ACOXL: variants seen among roughly 807,000 people sequenced by gnomAD.
ACOXL encodes the protein acyl-CoA oxidase like.
ACOXL carries 70 observed loss-of-function variants against 71.9 expected under a neutral mutation model. The observed-to-expected ratio is 0.97, with a 90% CI of 0.80 to 1.19. The LOEUF (loss-of-function observed/expected upper bound fraction) is 1.19, where lower values mean the gene tolerates loss of function less well. Ranked by LOEUF, ACOXL falls within the 50% of genes most tolerant of loss-of-function variation. The pLI, the probability that ACOXL is intolerant of heterozygous loss-of-function variation, is 0.00. For synonymous variants in ACOXL, 253 were observed against 281.6 expected (o/e 0.90, Z 1.02); for missense variants, 703 against 736.3 (o/e 0.95, Z 0.52).
At chr2:110,944,419 T>G (rs1434114603) in intron 12 of ACOXL, among the ~76,000 whole-genome samples, 1 of 152,074 alleles carries the variant, frequency 6.6e-6, no homozygotes, top group Admixed American at 6.5e-5. Flanking sequence ...TATTTGTGTG[T>G]TATGGGGGTT....
chr2:110,820,524 G>T (rs1247975179), intron 9 of ACOXL, among the ~76,000 whole-genome samples: 1 of 151,918 alleles, frequency 6.6e-6, no homozygotes, highest in Non-Finnish European at 1.5e-5. Context: ...TCTGAGGAAT[G>T]CAGAGATAGG....
chr2:110,801,130 G>A (rs759615881), intron 7 of ACOXL, among the ~76,000 whole-genome samples: 2 of 152,140 alleles, frequency 1.3e-5, no homozygotes, highest in African/African-American at 2.4e-5. Flanking sequence ...TCCCCACTCC[G>A]CACTGCTTCC....
intron 12 of ACOXL, among the ~76,000 whole-genome samples, chr2:110,965,703 T>G (rs1022584648): frequency 6.6e-6 from 1 of 152,172 alleles, no homozygotes; most frequent in African/African-American, 2.4e-5. Flanking sequence ...CTTACAGATT[T>G]TCCTCTTCAC....
intron 10 of ACOXL, among the ~76,000 whole-genome samples, chr2:110,892,710 C>T (rs1698058252): frequency 6.6e-6 from 1 of 152,040 alleles, no homozygotes; most frequent in Admixed American, 6.6e-5. Flanking sequence ...AAAGGGATGC[C>T]TGAAAAAAGC....
chr2:110,994,657 C>T (rs1197931630), intron 13 of ACOXL, among the ~76,000 whole-genome samples: 1 of 152,090 alleles, frequency 6.6e-6, no homozygotes, highest in African/African-American at 2.4e-5. Context: ...GAAAAGCTCA[C>T]GAGCTTTTAA....
intron 9 of ACOXL, among the ~76,000 whole-genome samples, chr2:110,831,606 G>A: frequency 6.6e-6 from 1 of 152,056 alleles, no homozygotes; most frequent in East Asian, 1.9e-4. Flanking sequence ...AATTTATATG[G>A]GAGGGCAAAA....
intron 16 of ACOXL, among the ~76,000 whole-genome samples, chr2:111,071,105 C>T (rs1425415632): frequency 6.6e-6 from 1 of 152,110 alleles, no homozygotes; most frequent in African/African-American, 2.4e-5. Context: ...CTGCCTGTCA[C>T]CTTTCTAAAG....
intron 10 of ACOXL, 113 bp from the exon 11 acceptor site, chr2:110,908,676 G>T: frequency 1.3e-6 from 1 of 788,490 alleles, no homozygotes; most frequent in South Asian, 1.7e-5. Context: ...TCAGATTTCT[G>T]CATTCTGGAG....
chr2:110,818,834 C>CAAGGGTTTTGACATG (rs1573669668), intron 9 of ACOXL, among the ~76,000 whole-genome samples: 1 of 127,458 alleles, frequency 7.8e-6, no homozygotes, highest in Non-Finnish European at 1.9e-5. Flanking sequence ...GTGCTGATGT[C>CAAGGGTTTTGACATG]AGCACCCTGG....
chr2:110,888,349 G>C (rs1055796730), intron 10 of ACOXL, among the ~76,000 whole-genome samples: 4 of 150,896 alleles, frequency 2.7e-5, no homozygotes, highest in Non-Finnish European at 4.5e-5. Context: ...TAGAAATTTG[G>C]GTTTACTAAT....
At chr2:110,974,689 C>G (rs1174059051) in intron 12 of ACOXL, among the ~76,000 whole-genome samples, 1 of 152,192 alleles carries the variant, frequency 6.6e-6, no homozygotes, top group African/African-American at 2.4e-5. Context: ...AAGGGGTGTC[C>G]TCTTCCTGAC....
chr2:110,736,774 C>A (rs1379192254), intron 1 of ACOXL, among the ~76,000 whole-genome samples: 1 of 152,186 alleles, frequency 6.6e-6, no homozygotes, highest in African/African-American at 2.4e-5. Flanking sequence ...CACCCACCAC[C>A]ACACCTGGCT....
At chr2:110,871,319 T>G (rs968440065) in intron 10 of ACOXL, among the ~76,000 whole-genome samples, 1 of 152,044 alleles carries the variant, frequency 6.6e-6, no homozygotes, top group South Asian at 2.1e-4. Flanking sequence ...TGAGAAATAT[T>G]TGGAAATAGG....
intron 12 of ACOXL, 26 bp downstream of exon 12, chr2:110,933,668 G>A (rs201024754): frequency 4.5e-5 from 72 of 1,595,810 alleles, no homozygotes; most frequent in Admixed American, 6.8e-5. Flanking sequence ...TGCAGCCCCC[G>A]TGGGTCCCCA....
chr2:111,091,774 C>T (rs1384837102), intron 16 of ACOXL, among the ~76,000 whole-genome samples: 1 of 152,150 alleles, frequency 6.6e-6, no homozygotes, highest in Non-Finnish European at 1.5e-5. Context: ...AAATAAGCTG[C>T]TCAGCCATAC....
intron 16 of ACOXL, among the ~76,000 whole-genome samples, chr2:111,061,899 T>G (rs1308086080): frequency 6.6e-6 from 1 of 151,426 alleles, no homozygotes; most frequent in Non-Finnish European, 1.5e-5. Context: ...GCCCAAGTCA[T>G]GCATGGTAAG....
At chr2:110,937,510 T>C (rs969616044) in intron 12 of ACOXL, among the ~76,000 whole-genome samples, 2 of 152,112 alleles carry the variant, frequency 1.3e-5, no homozygotes, top group African/African-American at 4.8e-5. Context: ...TCCCTTCTCC[T>C]CTCCACTCCC....
At chr2:110,983,505 C>T (rs2062804914) in intron 12 of ACOXL, among the ~76,000 whole-genome samples, 1 of 152,130 alleles carries the variant, frequency 6.6e-6, no homozygotes, top group Non-Finnish European at 1.5e-5. Context: ...CTCACTCACC[C>T]TAGAGTTCTA....
rs185279065 is a variant in ACOXL at position 110,773,016 on chromosome 2, C to T, written c.75+4552C>T. On this transcript the variant is annotated intron_variant, in intron 2 of 17. Transcript: ENST00000439055. ...CAATATGGTAAATTGACAGCTGTAG[C>T]CTGGACAAACAAAACCTCTTTGGAA... 1.3e-3 allele frequency among the ~76,000 whole-genome samples: 200 copies of T among 152,196 alleles called. 2 individuals are homozygous for T. The highest frequency in any genetic ancestry group is 4.6e-3 in the African/African-American group (192 of 41,516).
Sources: gnomAD v4.1 joint callset for allele counts (sites outside exome capture counted in the v4.1 genomes callset) on GRCh38, gnomAD v4.1.1 for gene constraint, MANE v1.5 for transcripts, NCBI Gene and HGNC (gene_info 2026-07-23, HGNC 2026-07-21) for gene names.